The following RFX2 variants were observed in gnomAD, a reference collection of about 807,000 sequenced individuals.
The protein encoded by RFX2 is DNA-binding protein RFX2.
RFX2 carries 20 observed loss-of-function variants against 87.8 expected under a neutral mutation model. The ratio of observed to expected loss-of-function variants is 0.23; its 90% CI spans 0.16 to 0.33. The LOEUF is 0.33. Ranked by LOEUF, RFX2 falls within the 10% of genes least tolerant of loss-of-function variation. The pLI is 1.00. For synonymous variants in RFX2, 397 were observed against 431.3 expected, an observed-to-expected ratio of 0.92 and a Z score of 0.98; for missense variants, 767 against 1,012.3, an observed-to-expected ratio of 0.76 and a Z score of 3.29.
Position 6,044,456 on chromosome 19 carries a change from GGCAGACACACGGCAGGTACGT to G in RFX2, c.91-195_91-175del, listed in dbSNP as rs1273177157. 2.0e-5 allele frequency among the ~76,000 whole-genome samples: 3 copies of G among 152,194 alleles called. No individual in the cohort carries two copies. Among genetic ancestry groups the G allele is most frequent in the Non-Finnish European group, 4.4e-5 (3 of 68,028 alleles). On this transcript the variant is annotated intron_variant, in intron 2 of 17. Transcript: ENST00000303657. This position sits in a 1 kb window ranked among gnomAD's most constrained non-coding sequence, Gnocchi z 5.3. Reference sequence around the variant, plus strand: ...AGACTTGCACACTCACACCGACCTGGGCAGACACACGGCAGGTACGTGCAGGCACACAAACAATGCACATAC... The same window carrying G: ...AGACTTGCACACTCACACCGACCTGGGCAGGCACACAAACAATGCACATAC...
intron 1 of RFX2, among the ~76,000 whole-genome samples, chr19:6,097,851 G>A (rs1224669624): frequency 6.6e-6 from 1 of 152,024 alleles, no homozygotes; most frequent in Non-Finnish European, 1.5e-5. Flanking sequence ...CCAAAGTGTT[G>A]GGATTACAGG....
At position 6,027,963 on chromosome 19, in the gene RFX2, C is replaced by T. The variant is rs199846644; in HGVS notation, c.523-1726G>A. Among the ~76,000 whole-genome samples, 6 of 152,100 alleles carry T rather than the reference C, an allele frequency of 3.9e-5. No individual in the cohort carries two copies. Among genetic ancestry groups the T allele is most frequent in the East Asian group, 1.9e-4 (1 of 5,184 alleles). On this transcript the variant is annotated intron_variant, in intron 5 of 17. Coordinates refer to ENST00000303657, the MANE Select transcript of RFX2 (RefSeq NM_000635.4). The surrounding 1 kb of genome is among the most constrained non-coding windows in gnomAD (Gnocchi z 5.0). ...TTTTAGCAGAGACGGGATTTCTCTACGTTGGCCAAGCTGGTCTTGAACTCC... is the reference window on the plus strand; with the variant it reads ...TTTTAGCAGAGACGGGATTTCTCTATGTTGGCCAAGCTGGTCTTGAACTCC...
chr19:6,086,091 CAAAAA>C (rs11340459), intron 1 of RFX2, among the ~76,000 whole-genome samples: 9 of 59,444 alleles, frequency 1.5e-4, no homozygotes, highest in African/African-American at 4.8e-4. Context: ...GATCCTGTCT[CAAAAA>C]AAAAAAAAAA....
At position 6,007,063 on chromosome 19, in the gene RFX2, A is replaced by G. The variant is rs2086592796; in HGVS notation, c.1351T>C (p.Tyr451His). The G allele has an allele frequency of 6.2e-7, 1 of 1,613,982 alleles. No homozygotes were observed. ...ATGAGAATCTCCACCAGCGCCTGGT[A>G]GAGGATGTGGTCGCAGCTCCTCATC... ...RWMRSCDHIL[Y>H]QALVEILIPD... The change falls in exon 12 of 18, where the codon TAC (tyrosine) becomes CAC (histidine). Residue 451 changes from tyrosine to histidine, a missense_variant. Around this residue, in one of 2 missense-constraint regions of RFX2, gnomAD observed 621 missense variants for 873.0 expected, o/e 0.71. Coordinates refer to ENST00000303657, the MANE Select transcript of RFX2 (RefSeq NM_000635.4). This position sits in a 1 kb window ranked among gnomAD's most constrained non-coding sequence, Gnocchi z 8.2.
intron 7 of RFX2, among the ~76,000 whole-genome samples, chr19:6,014,217 TTTTC>T (rs1339017875): frequency 6.6e-6 from 1 of 151,682 alleles, no homozygotes; most frequent in Non-Finnish European, 1.5e-5. Flanking sequence ...GGTCCTTTCT[TTTTC>T]TTTCTTTCTT....
At position 6,007,701 on chromosome 19, in the gene RFX2, A is replaced by T. The variant is rs1175115248; in HGVS notation, c.1236T>A (p.Ser412=). The change falls in exon 11 of 18, where the codon TCT becomes TCA. Residue 412 remains serine, a synonymous_variant. Coordinates refer to ENST00000303657, the MANE Select transcript of RFX2 (RefSeq NM_000635.4). The surrounding 1 kb of genome is among the most constrained non-coding windows in gnomAD (Gnocchi z 8.2). ...GGTGTGGCAGTCACCTGGCAGGAAGAGAGGTGGGGCCGTCGCTGGAGGAGG... is the reference window on the plus strand; with the variant it reads ...GGTGTGGCAGTCACCTGGCAGGAAGTGAGGTGGGGCCGTCGCTGGAGGAGG... ...SKASSSDGPT[S]LPASDEDPEG... 6.4e-7 allele frequency: 1 copy of T among 1,551,186 alleles called. No individual in the cohort carries two copies. The highest frequency in any genetic ancestry group is 1.9e-5 in the Admixed American group (1 of 51,526).
chr19:6,057,855 G>A (rs1003555889), intron 1 of RFX2, among the ~76,000 whole-genome samples: 6 of 152,142 alleles, frequency 3.9e-5, no homozygotes, highest in Non-Finnish European at 4.4e-5. Flanking sequence ...AGTCTTGTCC[G>A]TTTCCTTCTC....
Position 6,027,521 on chromosome 19 carries a change from A to G in RFX2, c.523-1284T>C, listed in dbSNP as rs879906861. The stretch of plus-strand genomic sequence containing the variant: ...CTGCAGCTTGGGCAGCCACGTGAGT[A>G]CTGCCCTGTGGCACCTTCCCTGTGG... On this transcript the variant is annotated intron_variant, in intron 5 of 17. Coordinates refer to ENST00000303657, the MANE Select transcript of RFX2 (RefSeq NM_000635.4). This position sits in a 1 kb window ranked among gnomAD's most constrained non-coding sequence, Gnocchi z 5.0. Among the ~76,000 whole-genome samples the G allele has an allele frequency of 6.6e-5, 10 of 152,182 alleles. No individual in the cohort carries two copies. Among genetic ancestry groups the G allele is most frequent in the Non-Finnish European group, 1.3e-4 (9 of 68,032 alleles).
At position 6,008,234 on chromosome 19, in the gene RFX2, G is replaced by A. The variant is rs1416626480; in HGVS notation, c.1016-10C>T. On this transcript the variant is annotated splice_polypyrimidine_tract_variant and intron_variant, in intron 9 of 17. Coordinates refer to ENST00000303657, the MANE Select transcript of RFX2 (RefSeq NM_000635.4). ...AAGACGTGGGAGACATCTGGGGGAG[G>A]AACACGGGAACATCAGAAATGGCGA... 6.6e-7 allele frequency: 1 copy of A among 1,514,880 alleles called. No homozygotes were observed. Among genetic ancestry groups the A allele is most frequent in the African/African-American group, 1.4e-5 (1 of 73,474 alleles). 93.8% of individuals were successfully genotyped at this position (1,514,880 alleles called of 1,614,324 possible).
chr19:6,003,166 G>A lies in RFX2; in HGVS notation c.1501-296C>T, dbSNP rs550115526. On this transcript the variant is annotated intron_variant, in intron 13 of 17. Transcript: ENST00000303657. ...CTAGAGTCCCTGTGGTTCTCTGGAGGGGCTGTTGAGACCACAGACTCCTGA... is the reference window on the plus strand; with the variant it reads ...CTAGAGTCCCTGTGGTTCTCTGGAGAGGCTGTTGAGACCACAGACTCCTGA... 1.7e-3 allele frequency among the ~76,000 whole-genome samples: 256 copies of A among 152,238 alleles called. 2 individuals carry two copies. Among genetic ancestry groups the A allele is most frequent in the African/African-American group, 6.0e-3 (251 of 41,532 alleles).
At chr19:6,055,501 G>A (rs1456311513) in intron 1 of RFX2, among the ~76,000 whole-genome samples, 1 of 152,146 alleles carries the variant, frequency 6.6e-6, no homozygotes, top group Non-Finnish European at 1.5e-5. Flanking sequence ...ACAGCTCACT[G>A]CATCCTCAAC....
Position 5,995,293 on chromosome 19 carries a change from C to T in RFX2, c.2056+308G>A, listed in dbSNP as rs2086390845. Among the ~76,000 whole-genome samples, 3 of 152,140 alleles carry T rather than the reference C, an allele frequency of 2.0e-5. No individual in the cohort carries two copies. In the South Asian group the frequency reaches 6.2e-4, roughly 31 times the overall value. On this transcript the variant is annotated intron_variant, in intron 17 of 17. Coordinates refer to ENST00000303657, the MANE Select transcript of RFX2 (RefSeq NM_000635.4). ...GGGCCCGGGGGTCCCTCTGGCCTGC[C>T]TGTCCCACTCTCCTGCTGGGCGTGG...
chr19:6,039,960 C>T lies in RFX2; in HGVS notation c.522+20G>A, dbSNP rs768127623. The T allele has an allele frequency of 2.1e-5, 33 of 1,536,492 alleles. No homozygotes were observed. Among genetic ancestry groups the T allele is most frequent in the Non-Finnish European group, 2.9e-5 (33 of 1,132,814 alleles). On this transcript the variant is annotated intron_variant, in intron 5 of 17. Coordinates refer to ENST00000303657, the MANE Select transcript of RFX2 (RefSeq NM_000635.4). This position sits in a 1 kb window ranked among gnomAD's most constrained non-coding sequence, Gnocchi z 5.2. ...AATACTCATGGCCTACCCTGCTGGT[C>T]CCAAGAGCCTCCTACATACCGTGGC...
In RFX2 at chr19:6,007,699, A is replaced by G; in HGVS notation, c.1238T>C (p.Leu413Pro). 6.5e-7 allele frequency: 1 copy of G among 1,550,146 alleles called. No individual in the cohort carries two copies. ...KASSSDGPTS[L>P]PASDEDPEGA... ...AGGGTGTGGCAGTCACCTGGCAGGA[A>G]GAGAGGTGGGGCCGTCGCTGGAGGA... Residue 413 changes from leucine (L) to proline (P), a missense_variant, in exon 11 of 18, where the codon CTT becomes CCT. Transcript: ENST00000303657. This position sits in a 1 kb window ranked among gnomAD's most constrained non-coding sequence, Gnocchi z 8.2.
At position 5,997,033 on chromosome 19, in the gene RFX2, G is replaced by C. The variant is rs751504415; in HGVS notation, c.2013+27C>G. 7 of 1,592,040 alleles carry C rather than the reference G, an allele frequency of 4.4e-6. No homozygotes were observed. Among genetic ancestry groups the C allele is most frequent in the Middle Eastern group, 1.7e-4 (1 of 6,000 alleles). On this transcript the variant is annotated intron_variant, in intron 16 of 17. Transcript: ENST00000303657. This position sits in a 1 kb window ranked among gnomAD's most constrained non-coding sequence, Gnocchi z 4.2. ...CTCCCCACAGGCCCGGCCAAGCCCCGGCCGTCCCACCCAGGAGGGTCCTCA... is the reference window on the plus strand; with the variant it reads ...CTCCCCACAGGCCCGGCCAAGCCCCCGCCGTCCCACCCAGGAGGGTCCTCA...
intron 1 of RFX2, among the ~76,000 whole-genome samples, chr19:6,062,237 C>A (rs73549940): frequency 0.033 from 5,075 of 152,290 alleles, 316 homozygotes; most frequent in African/African-American, 0.12. Context: ...AAGAGGGACA[C>A]AACCCCAAGG....
chr19:6,015,289 G>T (rs73547555), intron 7 of RFX2, among the ~76,000 whole-genome samples: 3,373 of 151,964 alleles, frequency 0.022, 136 homozygotes, highest in African/African-American at 0.078. Context: ...TTAGCCAGGC[G>T]TGCTGGTGGG....
chr19:6,007,300 G>C lies in RFX2; in HGVS notation c.1248-134C>G. 1 of 835,458 alleles carries C rather than the reference G, an allele frequency of 1.2e-6. No homozygotes were observed. Among genetic ancestry groups the C allele is most frequent in the Non-Finnish European group, 1.8e-6 (1 of 541,076 alleles). 51.8% of individuals were successfully genotyped at this position (835,458 alleles called of 1,614,324 possible). On this transcript the variant is annotated intron_variant, in intron 11 of 17. Coordinates refer to ENST00000303657, the MANE Select transcript of RFX2 (RefSeq NM_000635.4). The surrounding 1 kb of genome is among the most constrained non-coding windows in gnomAD (Gnocchi z 8.2). ...CTGGGGTTTTGCTCCCCATCCCTGA[G>C]CCTCGATGGGTCCCCTCCCTCCATG...
intron 1 of RFX2, among the ~76,000 whole-genome samples, chr19:6,081,825 C>T (rs144733211): frequency 2.6e-5 from 4 of 152,300 alleles, no homozygotes; most frequent in South Asian, 2.1e-4. Context: ...CGTTGGCTCA[C>T]GCTTGTAATC....
Sources: gnomAD v4.1 joint callset for allele counts (sites outside exome capture counted in the v4.1 genomes callset) on GRCh38, gnomAD v4.1.1 for gene constraint, gnomAD v4.1.1 regional missense constraint, Gnocchi (gnomAD v3.1) non-coding constraint, MANE v1.5 for transcripts, NCBI Gene and HGNC (gene_info 2026-07-23, HGNC 2026-07-21) for gene names.